Variants in SIPA1L2 observed in about 807,000 individuals in gnomAD.
The protein encoded by SIPA1L2 is signal-induced proliferation-associated 1-like protein 2.
A neutral mutation model predicts 163.9 loss-of-function variants in SIPA1L2; 56 were observed. That is an observed-to-expected ratio of 0.34 (90% CI 0.28 to 0.43). SIPA1L2 has a LOEUF of 0.43. Ranked by LOEUF, SIPA1L2 falls within the 20% of genes least tolerant of loss-of-function variation. The pLI is 1.00. For missense variants in SIPA1L2, 1,974 were observed against 2,193.5 expected (o/e 0.90, Z 2.00); for synonymous variants, 877 against 865.7 (o/e 1.01, Z -0.23).
At position 232,514,387 on chromosome 1, in the gene SIPA1L2, C is replaced by T. The variant is rs1667121104; in HGVS notation, c.953G>A (p.Arg318Lys). 1.2e-6 allele frequency: 2 copies of T among 1,613,868 alleles called. No homozygotes were observed. Among genetic ancestry groups the T allele is most frequent in the Admixed American group, 1.7e-5 (1 of 60,014 alleles). ...CTGACAATTCCAAGGGCGAATGCCCCTCTCCAGTCGGCTCTCCTCCAGCTC... is the reference window on the plus strand; with the variant it reads ...CTGACAATTCCAAGGGCGAATGCCCTTCTCCAGTCGGCTCTCCTCCAGCTC... ...TSELEESRLE[R>K]GIRPWNCQRC... The change falls in exon 3 of 23, where the codon AGG becomes AAG. Residue 318 changes from arginine (R) to lysine (K), a missense_variant. By Grantham distance (26) the Arg-to-Lys change is conservative. This residue lies in a region of SIPA1L2 where 607 missense variants were observed against 624.0 expected (regional missense o/e 0.97). Coordinates refer to ENST00000674635, the MANE Select transcript of SIPA1L2 (RefSeq NM_020808.5).
At chr1:232,463,643 T>C (rs1664355076) in intron 9 of SIPA1L2, among the ~76,000 whole-genome samples, 1 of 152,242 alleles carries the variant, frequency 6.6e-6, no homozygotes, top group South Asian at 2.1e-4. Context: ...TGTGTTGTAT[T>C]TTCAGAAGCA....
chr1:232,581,140 C>A (rs1040031639), intron 1 of SIPA1L2, among the ~76,000 whole-genome samples: 4 of 152,164 alleles, frequency 2.6e-5, no homozygotes, highest in Non-Finnish European at 5.9e-5. Flanking sequence ...AGTTTCTGTC[C>A]TCCTCGTGTC....
At chr1:232,608,945 G>A (rs1160449522) in intron 1 of SIPA1L2, among the ~76,000 whole-genome samples, 1 of 151,464 alleles carries the variant, frequency 6.6e-6, no homozygotes, top group African/African-American at 2.4e-5. Flanking sequence ...AGTCAAACAC[G>A]TATCTAATAT....
rs561159802 is a variant in SIPA1L2 at position 232,600,347 on chromosome 1, A to T, written c.-318-26125T>A. 1.2e-4 allele frequency among the ~76,000 whole-genome samples: 19 copies of T among 152,316 alleles called. No individual in the cohort carries two copies. The East Asian group carries it at 3.7e-3, about 29-fold the overall frequency. ...TCTTTTTTTCCAGCTATCCTCCCTA[A>T]TAAGTTATAGCCAAAATCAATACTC... On this transcript the variant is annotated intron_variant, in intron 1 of 22. Transcript: ENST00000674635.
At chr1:232,482,443 GAAAAAA>G (rs61073207) in intron 6 of SIPA1L2, among the ~76,000 whole-genome samples, 2 of 139,118 alleles carry the variant, frequency 1.4e-5, no homozygotes, top group Admixed American at 1.4e-4. Context: ...AGAGGAGTTT[GAAAAAA>G]AAAAAAGAAA....
chr1:232,449,052 G>C (rs139913196), intron 10 of SIPA1L2, among the ~76,000 whole-genome samples: 1 of 152,188 alleles, frequency 6.6e-6, no homozygotes, highest in East Asian at 1.9e-4. Context: ...TGGTTCTCTA[G>C]AGAAAAGACA....
intron 13 of SIPA1L2, 29 bp downstream of exon 13, chr1:232,441,739 G>T: frequency 6.3e-7 from 1 of 1,577,326 alleles, no homozygotes; most frequent in Non-Finnish European, 8.7e-7. Flanking sequence ...GGGAGCAAGG[G>T]AGGTCAATTT....
intron 19 of SIPA1L2, among the ~76,000 whole-genome samples, chr1:232,411,617 C>G (rs1299606245): frequency 2.7e-5 from 4 of 149,480 alleles, no homozygotes; most frequent in Non-Finnish European, 5.9e-5. Flanking sequence ...TTACTTCATT[C>G]CTTTTCTTTG....
At chr1:232,605,180 T>G (rs1661830458) in intron 1 of SIPA1L2, among the ~76,000 whole-genome samples, 1 of 152,124 alleles carries the variant, frequency 6.6e-6, no homozygotes, top group African/African-American at 2.4e-5. Flanking sequence ...ACCCAGCTAA[T>G]TTTTGTATCT....
chr1:232,457,220 A>G (rs1663969563), intron 10 of SIPA1L2, among the ~76,000 whole-genome samples: 1 of 152,100 alleles, frequency 6.6e-6, no homozygotes, highest in Admixed American at 6.5e-5. Flanking sequence ...AAAACCAAAC[A>G]CCTTTTGACC....
intron 1 of SIPA1L2, among the ~76,000 whole-genome samples, chr1:232,587,203 T>C (rs1484769362): frequency 6.6e-6 from 1 of 152,210 alleles, no homozygotes; most frequent in Non-Finnish European, 1.5e-5. Flanking sequence ...ACATAAAGTA[T>C]GAACTGATAC....
chr1:232,455,403 C>T (rs569283966), intron 10 of SIPA1L2, among the ~76,000 whole-genome samples: 97 of 152,254 alleles, frequency 6.4e-4, no homozygotes, highest in African/African-American at 2.3e-3. Context: ...TGTGGTTGGC[C>T]GGGTGCCGTG....
intron 10 of SIPA1L2, among the ~76,000 whole-genome samples, chr1:232,449,570 G>A (rs1663441161): frequency 6.7e-6 from 1 of 149,748 alleles, no homozygotes; most frequent in Non-Finnish European, 1.5e-5. Context: ...TAAAAAGTCC[G>A]GCAACTACCA....
chr1:232,549,974 T>C (rs1343802694), intron 2 of SIPA1L2, among the ~76,000 whole-genome samples: 1 of 152,172 alleles, frequency 6.6e-6, no homozygotes, highest in African/African-American at 2.4e-5. Context: ...TGACAGTGAA[T>C]TTCTTTTTCA....
intron 3 of SIPA1L2, among the ~76,000 whole-genome samples, chr1:232,500,824 G>T (rs928413741): frequency 6.6e-6 from 1 of 152,260 alleles, no homozygotes; most frequent in Admixed American, 6.5e-5. Flanking sequence ...TGGGTCAAAT[G>T]CTATCAAATA....
In SIPA1L2 at chr1:232,398,557, CTT is replaced by C. The variant is rs560866466; in HGVS notation, c.*568_*569del. 81 of 137,888 alleles carry C rather than the reference CTT, an allele frequency of 5.9e-4. No individual in the cohort carries two copies. Among genetic ancestry groups the C allele is most frequent in the Admixed American group, 6.6e-4 (9 of 13,690 alleles). The allele number at this position is 137,888 out of a possible 1,614,324, so 8.5% of individuals were successfully genotyped here. On this transcript the variant is annotated 3_prime_UTR_variant, in exon 23 of 23. Coordinates refer to ENST00000674635, the MANE Select transcript of SIPA1L2 (RefSeq NM_020808.5). Reference sequence around the variant, plus strand: ...TGAACTAGTGTTAAACACAACAGTGCTTTTTTTTTTTTTTAATCCCCCCACAA... The same window carrying C: ...TGAACTAGTGTTAAACACAACAGTGCTTTTTTTTTTTTAATCCCCCCACAA...
At chr1:232,491,262 A>G (rs1159875286) in intron 4 of SIPA1L2, among the ~76,000 whole-genome samples, 200 bp from the exon 5 acceptor site, 6 of 152,202 alleles carry the variant, frequency 3.9e-5, no homozygotes, top group African/African-American at 1.4e-4. Flanking sequence ...TACAAAGATC[A>G]GGAACAAGCC....
chr1:232,501,050 A>ATTTTTTTTTTTTTTTTTTT lies in SIPA1L2; in HGVS notation c.1484-7409_1484-7391dup, dbSNP rs60008360. ...TGTTAGCACTTTTTAGCAATGAAGT[A>ATTTTTTTTTTTTTTTTTTT]TTTTTTTTTTTTTTTTTTTTTTTGT... On this transcript the variant is annotated intron_variant, in intron 3 of 22. Coordinates refer to ENST00000674635, the MANE Select transcript of SIPA1L2 (RefSeq NM_020808.5). 2.2e-4 allele frequency among the ~76,000 whole-genome samples: 17 copies of ATTTTTTTTTTTTTTTTTTT among 78,440 alleles called. 3 individuals are homozygous for ATTTTTTTTTTTTTTTTTTT. Among genetic ancestry groups the ATTTTTTTTTTTTTTTTTTT allele is most frequent in the African/African-American group, 3.9e-4 (8 of 20,650 alleles). 51.5% of individuals were successfully genotyped at this position (78,440 alleles called of 152,430 possible).
intron 5 of SIPA1L2, among the ~76,000 whole-genome samples, chr1:232,488,916 C>T (rs545314233): frequency 1.9e-3 from 288 of 152,270 alleles, no homozygotes; most frequent in Middle Eastern, 3.4e-3. Context: ...AGAAAGGTAG[C>T]CACATTCACT....
Sources: allele counts gnomAD v4.1 joint callset (sites outside exome capture counted in the v4.1 genomes callset), GRCh38; gene constraint gnomAD v4.1.1; regional missense constraint gnomAD v4.1.1; transcripts MANE v1.5; gene names NCBI Gene and HGNC (gene_info 2026-07-23, HGNC 2026-07-21).